Variants in SARDH observed in about 807,000 individuals in gnomAD.
SARDH encodes the protein sarcosine dehydrogenase, mitochondrial.
In SARDH, 95 loss-of-function variants were observed where a neutral mutation model predicts 109.1. The ratio of observed to expected loss-of-function variants is 0.87; its 90% CI spans 0.74 to 1.03. The LOEUF (loss-of-function observed/expected upper bound fraction) is 1.03, where lower values mean the gene tolerates loss of function less well. Ranked by LOEUF, SARDH falls within the 50% of genes least tolerant of loss-of-function variation. The probability of loss-of-function intolerance (pLI) is 0.00; values close to 1 mark genes in which losing one functional copy is unlikely to be tolerated. For missense variants in SARDH, 1,267 were observed against 1,287.8 expected (o/e 0.98, Z 0.25); for synonymous variants, 572 against 534.8 (o/e 1.07, Z -0.96).
At chr9:133,734,248 T>TG in intron 1 of SARDH, 45 bp from the exon 2 acceptor site, 2 of 1,349,036 alleles carry the variant, frequency 1.5e-6, no homozygotes, top group Non-Finnish European at 2.0e-6. Flanking sequence ...GGGGACACGC[T>TG]GGGGGCTGTG....
chr9:133,724,092 G>A (rs989268257), intron 6 of SARDH, among the ~76,000 whole-genome samples: 2 of 151,964 alleles, frequency 1.3e-5, no homozygotes, highest in African/African-American at 4.8e-5. Context: ...GAAAAAAAGA[G>A]ATGAATTGGA....
rs1305551674 is a variant in SARDH at position 133,730,076 on chromosome 9, C to T, written c.802G>A (p.Val268Ile). ...ATGCCACTCGCACCTGCACAGTTGA[C>T]CACGCAGGGTGTCTGGATGGAACCA... ...QHGSIQTPCV[V>I]NCAGVWASAV... Residue 268 changes from valine to isoleucine, a missense_variant, in exon 5 of 21, where the codon GTC becomes ATC. Physicochemically the swap from Val to Ile is conservative, Grantham distance 29. Coordinates refer to ENST00000439388, the MANE Select transcript of SARDH (RefSeq NM_001134707.2). 22 of 1,614,086 alleles carry T rather than the reference C, an allele frequency of 1.4e-5. No homozygotes were observed. Among genetic ancestry groups the T allele is most frequent in the Middle Eastern group, 1.6e-4 (1 of 6,084 alleles).
intron 13 of SARDH, among the ~76,000 whole-genome samples, chr9:133,697,724 T>G (rs187424392): frequency 7.9e-5 from 12 of 152,304 alleles, no homozygotes; most frequent in African/African-American, 2.9e-4. Context: ...CACCCGTTCA[T>G]GATAAAAACG....
At chr9:133,739,051 C>T (rs1046452688), upstream of SARDH, among the ~76,000 whole-genome samples, 1 of 152,134 alleles carries the variant, frequency 6.6e-6, no homozygotes, top group South Asian at 2.1e-4. Flanking sequence ...GGAGGCAGAC[C>T]GGATGCTGCA....
chr9:133,702,976 G>A lies in SARDH; in HGVS notation c.1608C>T (p.Tyr536=), dbSNP rs1253163664. ...GAYGSRAHED[Y]AYRRLLADEY... ...CGTCTGCCAGCAGCCTGCGGTAGGC[G>A]TAGTCCTCGTGCGCGCGGCTCCCGT... Residue 536 remains tyrosine, a synonymous_variant, in exon 13 of 21, where the codon TAC becomes TAT. Coordinates refer to ENST00000439388, the MANE Select transcript of SARDH (RefSeq NM_001134707.2). The A allele has an allele frequency of 4.3e-6, 7 of 1,613,456 alleles. No individual in the cohort carries two copies. The highest frequency in any genetic ancestry group is 3.3e-5 in the Admixed American group (2 of 60,030).
At chr9:133,733,379 G>C (rs1247585767) in intron 2 of SARDH, among the ~76,000 whole-genome samples, 1 of 152,206 alleles carries the variant, frequency 6.6e-6, no homozygotes, top group Non-Finnish European at 1.5e-5. Context: ...GCTGTCCTGG[G>C]ACATGCACAC....
intron 13 of SARDH, among the ~76,000 whole-genome samples, 168 bp downstream of exon 13, chr9:133,702,748 G>C (rs967417469): frequency 2.6e-5 from 4 of 152,136 alleles, no homozygotes; most frequent in African/African-American, 9.7e-5. Context: ...AGAGGAAAAC[G>C]CATGATTCCT....
intron 4 of SARDH, among the ~76,000 whole-genome samples, chr9:133,731,063 G>A (rs1832663531): frequency 2.0e-5 from 3 of 152,206 alleles, no homozygotes; most frequent in Admixed American, 2.0e-4. Context: ...CTTTTGATAC[G>A]ATTTGCTTGT....
In SARDH at chr9:133,693,435, C is replaced by T. The variant is rs1186706531; in HGVS notation, c.1921+823G>A. 6.6e-6 allele frequency among the ~76,000 whole-genome samples: 1 copy of T among 152,210 alleles called. No individual in the cohort carries two copies. The highest frequency in any genetic ancestry group is 1.5e-5 in the Non-Finnish European group (1 of 68,038). On this transcript the variant is annotated intron_variant, in intron 15 of 20. Coordinates refer to ENST00000439388, the MANE Select transcript of SARDH (RefSeq NM_001134707.2). This position sits in a 1 kb window ranked among gnomAD's most constrained non-coding sequence, Gnocchi z 5.6. ...GAGTCAGGTCAAGAACCAGGAGATGCCAGGTTTTCTGAATGGGCTGAGCCC... is the reference window on the plus strand; with the variant it reads ...GAGTCAGGTCAAGAACCAGGAGATGTCAGGTTTTCTGAATGGGCTGAGCCC...
chr9:133,680,230 C>T (rs552149698), intron 17 of SARDH, among the ~76,000 whole-genome samples: 10 of 152,318 alleles, frequency 6.6e-5, no homozygotes, highest in East Asian at 1.9e-4. Context: ...CCCAGAGAGG[C>T]GACCCGCAGA....
chr9:133,731,157 A>T, intron 4 of SARDH, 148 bp downstream of exon 4: 1 of 1,000,360 alleles, frequency 1.0e-6, no homozygotes, highest in South Asian at 1.7e-5. Context: ...GCAGGAGTGG[A>T]CCAGAAGGCT....
chr9:133,726,394 A>ATAATAATAATAATAATAATAATAATGG (rs59172198), intron 6 of SARDH, among the ~76,000 whole-genome samples: 2 of 132,338 alleles, frequency 1.5e-5, no homozygotes, highest in Non-Finnish European at 3.2e-5. Context: ...AATAATAATA[A>ATAATAATAATAATAATAATAATAATGG]TAGTAGTAGT....
chr9:133,712,931 C>A lies in SARDH; in HGVS notation c.1237+107G>T. 8.5e-7 allele frequency: 1 copy of A among 1,180,744 alleles called. No individual in the cohort carries two copies. The highest frequency in any genetic ancestry group is 1.2e-6 in the Non-Finnish European group (1 of 822,106). 73.1% of individuals were successfully genotyped at this position (1,180,744 alleles called of 1,614,324 possible). The stretch of plus-strand genomic sequence containing the variant: ...GCTGGACTCCCCAGCCTCTCCTGTC[C>A]CCACCACTGTCGGGGGCCACGGTGC... On this transcript the variant is annotated intron_variant, in intron 9 of 20. Coordinates refer to ENST00000439388, the MANE Select transcript of SARDH (RefSeq NM_001134707.2). The surrounding 1 kb of genome is among the most constrained non-coding windows in gnomAD (Gnocchi z 4.1).
chr9:133,687,483 G>A (rs1367586991), intron 16 of SARDH, among the ~76,000 whole-genome samples: 1 of 152,084 alleles, frequency 6.6e-6, no homozygotes, highest in East Asian at 1.9e-4. Flanking sequence ...ATCTCGCTAT[G>A]TTGCTCAGGC....
intron 1 of SARDH, among the ~76,000 whole-genome samples, 188 bp from the exon 2 acceptor site, chr9:133,734,391 A>ATTCACTCATTCATTCG (rs1832801884): frequency 1.3e-5 from 2 of 148,690 alleles, no homozygotes; most frequent in Admixed American, 1.3e-4. Context: ...TCATTCATTC[A>ATTCACTCATTCATTCG]TTCACTCATT....
At chr9:133,711,424 A>G (rs537067) in intron 10 of SARDH, among the ~76,000 whole-genome samples, 28,429 of 152,218 alleles carry the variant, frequency 0.19, 2,971 homozygotes, top group Middle Eastern at 0.24. Context: ...AGGGGCCTGA[A>G]TTGGCCCTTC....
At chr9:133,688,667 A>G (rs915174095) in intron 16 of SARDH, among the ~76,000 whole-genome samples, 38 of 152,318 alleles carry the variant, frequency 2.5e-4, no homozygotes, top group African/African-American at 8.9e-4. Flanking sequence ...GGCCTGCTCC[A>G]TCCCAGCCTC....
chr9:133,671,721 G>A, intron 17 of SARDH, 24 bp from the exon 18 acceptor site: 22 of 1,551,334 alleles, frequency 1.4e-5, no homozygotes, highest in Non-Finnish European at 1.9e-5. Context: ...TCATGGCTTA[G>A]ATGTGGCCAT....
chr9:133,730,794 A>G (rs1323304502), intron 4 of SARDH, among the ~76,000 whole-genome samples: 1 of 151,980 alleles, frequency 6.6e-6, no homozygotes, highest in Non-Finnish European at 1.5e-5. Context: ...TGGCTAACAC[A>G]GTGAAACCCT....
Sources: gnomAD v4.1 joint callset for allele counts (sites outside exome capture counted in the v4.1 genomes callset) on GRCh38, gnomAD v4.1.1 for gene constraint, Gnocchi (gnomAD v3.1) non-coding constraint, MANE v1.5 for transcripts, NCBI Gene and HGNC (gene_info 2026-07-23, HGNC 2026-07-21) for gene names.